Variants in IRF2 observed in about 807,000 individuals in gnomAD.
The protein encoded by IRF2 is interferon regulatory factor 2.
Under a neutral mutation model 40.6 loss-of-function variants are expected in IRF2, and 15 were observed. The ratio of observed to expected loss-of-function variants is 0.37; its 90% CI spans 0.25 to 0.57. The LOEUF is 0.57. Among genes scored for constraint, IRF2 ranks in the 20% least tolerant of loss-of-function variants. The probability of loss-of-function intolerance (pLI) is 0.77; values close to 1 mark genes in which losing one functional copy is unlikely to be tolerated. For synonymous variants in IRF2, 151 were observed against 165.5 expected, an observed-to-expected ratio of 0.91 and a Z score of 0.67; for missense variants, 317 against 455.7, an observed-to-expected ratio of 0.70 and a Z score of 2.77.
At chr4:184,442,996 G>A (rs551127019) in intron 1 of IRF2, among the ~76,000 whole-genome samples, 88 of 151,282 alleles carry the variant, frequency 5.8e-4, no homozygotes, top group Admixed American at 5.2e-3. Flanking sequence ...CACGATCTCT[G>A]CTCACTGCAC....
intron 1 of IRF2, among the ~76,000 whole-genome samples, chr4:184,433,179 C>CTGAGT (rs1737951525): frequency 6.6e-6 from 1 of 152,180 alleles, no homozygotes; most frequent in South Asian, 2.1e-4. Context: ...AAGGGAAGAG[C>CTGAGT]TGAGTGTGAA....
intron 1 of IRF2, among the ~76,000 whole-genome samples, chr4:184,460,457 T>C (rs1202184143): frequency 2.0e-5 from 3 of 152,222 alleles, no homozygotes; most frequent in South Asian, 2.1e-4. Context: ...TTTAAGATGA[T>C]TGTAATGGTA....
chr4:184,443,497 C>A (rs1738389467), intron 1 of IRF2, among the ~76,000 whole-genome samples: 1 of 152,160 alleles, frequency 6.6e-6, no homozygotes, highest in African/African-American at 2.4e-5. Context: ...TGTGTTAATT[C>A]ATTTAAGATA....
intron 7 of IRF2, among the ~76,000 whole-genome samples, chr4:184,395,899 C>T (rs547449264): frequency 8.5e-5 from 13 of 152,266 alleles, no homozygotes; most frequent in African/African-American, 1.4e-4. Flanking sequence ...TGCTGTTCTC[C>T]GGAATCTTTT....
At chr4:184,419,620 C>T in intron 2 of IRF2, 52 bp from the exon 3 acceptor site, 3 of 1,276,194 alleles carry the variant, frequency 2.4e-6, no homozygotes, top group Non-Finnish European at 3.3e-6. Context: ...TGGGTTTTGG[C>T]CCACCATTGC....
chr4:184,406,816 C>T (rs1469133627), intron 6 of IRF2, among the ~76,000 whole-genome samples: 1 of 152,086 alleles, frequency 6.6e-6, no homozygotes, highest in East Asian at 1.9e-4. Context: ...GCAGGCTTGC[C>T]TTAAAAAGCG....
chr4:184,468,159 C>T (rs1278418358), intron 1 of IRF2, among the ~76,000 whole-genome samples: 1 of 152,114 alleles, frequency 6.6e-6, no homozygotes, highest in East Asian at 1.9e-4. Context: ...GAGACAAATA[C>T]ATAAAATAAA....
At chr4:184,465,278 A>G (rs951142257) in intron 1 of IRF2, among the ~76,000 whole-genome samples, 94 of 152,216 alleles carry the variant, frequency 6.2e-4, no homozygotes, top group African/African-American at 2.2e-3. Context: ...TGCTCCACAC[A>G]TGGAGGCAGA....
At chr4:184,398,017 C>T (rs924348111) in intron 7 of IRF2, among the ~76,000 whole-genome samples, 1 of 152,142 alleles carries the variant, frequency 6.6e-6, no homozygotes, top group African/African-American at 2.4e-5. Context: ...GGAAATGGCT[C>T]AGTCATCTGG....
At chr4:184,462,237 C>T (rs1424688661) in intron 1 of IRF2, among the ~76,000 whole-genome samples, 1 of 152,176 alleles carries the variant, frequency 6.6e-6, no homozygotes, top group East Asian at 1.9e-4. Context: ...AAGCTCTGAG[C>T]CACTGAGCAG....
Position 184,446,149 on chromosome 4 carries a change from C to G in IRF2, c.-6-17079G>C, listed in dbSNP as rs551902424. Reference sequence around the variant, plus strand: ...CTCAGGGTCCCCAATAGGAACCAACCCTGCCCATACCTTAATTGCCAACTT... The same window carrying G: ...CTCAGGGTCCCCAATAGGAACCAACGCTGCCCATACCTTAATTGCCAACTT... On this transcript the variant is annotated intron_variant, in intron 1 of 8. Transcript: ENST00000393593. 1.6e-4 allele frequency among the ~76,000 whole-genome samples: 24 copies of G among 152,318 alleles called. No homozygotes were observed. The South Asian group carries it at 4.8e-3, about 30-fold the overall frequency.
At chr4:184,400,613 G>A (rs527415706) in intron 6 of IRF2, among the ~76,000 whole-genome samples, 1 of 152,286 alleles carries the variant, frequency 6.6e-6, no homozygotes, top group East Asian at 1.9e-4. Flanking sequence ...GTAATTTCAT[G>A]TTTAATTTTA....
rs919558994 is a variant in IRF2 at position 184,389,735 on chromosome 4, T to C, written c.742-669A>G. Among the ~76,000 whole-genome samples the C allele has an allele frequency of 2.0e-5, 3 of 152,294 alleles. 1 individual carries two copies. In the Middle Eastern group the frequency reaches 0.01, roughly 518 times the overall value. On this transcript the variant is annotated intron_variant, in intron 8 of 8. Coordinates refer to ENST00000393593, the MANE Select transcript of IRF2 (RefSeq NM_002199.4). ...TCTGCGGCTCGGCCCGATTATTCGA[T>C]AGGTTTCAGGTCACCATGGCCAGTG...
At chr4:184,398,485 C>G (rs1736546868) in intron 7 of IRF2, among the ~76,000 whole-genome samples, 2 of 151,750 alleles carry the variant, frequency 1.3e-5, no homozygotes, top group African/African-American at 4.9e-5. Flanking sequence ...GGTGAATCCC[C>G]GTCTCTACTA....
chr4:184,425,977 T>TG (rs1343440174), intron 2 of IRF2, among the ~76,000 whole-genome samples: 5 of 33,348 alleles, frequency 1.5e-4, no homozygotes, highest in Non-Finnish European at 1.3e-4. Context: ...CTCACTCCGG[T>TG]TTTTGTTTGT....
At chr4:184,407,069 C>A in intron 6 of IRF2, 1 of 551,002 alleles carries the variant, frequency 1.8e-6, no homozygotes, top group Middle Eastern at 6.2e-4. Flanking sequence ...TATCAAGAAA[C>A]ACAACAGGGT....
At position 184,460,365 on chromosome 4, in the gene IRF2, G is replaced by A. The variant is rs183534884; in HGVS notation, c.-7+14014C>T. 8.5e-5 allele frequency among the ~76,000 whole-genome samples: 13 copies of A among 152,326 alleles called. No homozygotes were observed. The East Asian group carries it at 2.3e-3, about 27-fold the overall frequency. The stretch of plus-strand genomic sequence containing the variant: ...TAATGGGTATAGAGATTCTGATCCA[G>A]ATACTGAAAAAGTTCTGGAGATGGA... On this transcript the variant is annotated intron_variant, in intron 1 of 8. Transcript: ENST00000393593.
chr4:184,473,123 C>T (rs1739578209), intron 1 of IRF2, among the ~76,000 whole-genome samples: 1 of 152,018 alleles, frequency 6.6e-6, no homozygotes, highest in African/African-American at 2.4e-5. Flanking sequence ...CGAGCCCTAC[C>T]GGCGAGGCGG....
chr4:184,435,990 T>C (rs995925472), intron 1 of IRF2, among the ~76,000 whole-genome samples: 1 of 151,564 alleles, frequency 6.6e-6, no homozygotes, highest in Non-Finnish European at 1.5e-5. Context: ...TTTTCTTTTT[T>C]TTTTTGAGAC....
Sources: allele counts gnomAD v4.1 joint callset (sites outside exome capture counted in the v4.1 genomes callset), GRCh38; gene constraint gnomAD v4.1.1; transcripts MANE v1.5; gene names NCBI Gene and HGNC (gene_info 2026-07-23, HGNC 2026-07-21).